Variants in PIWIL2 observed in about 807,000 individuals in gnomAD.
PIWIL2 encodes the protein piwi like RNA-mediated gene silencing 2.
PIWIL2 carries 81 observed loss-of-function variants against 116.5 expected under a neutral mutation model. That is an observed-to-expected ratio of 0.70 (90% confidence interval 0.58 to 0.84). The LOEUF (loss-of-function observed/expected upper bound fraction) is 0.84, where lower values mean the gene tolerates loss of function less well. PIWIL2 is among the 40% of genes least tolerant of loss of function. The pLI, the probability that PIWIL2 is intolerant of heterozygous loss-of-function variation, is 0.00. For missense variants in PIWIL2, 1,272 were observed against 1,212.3 expected (o/e 1.05, Z -0.73); for synonymous variants, 489 against 429.5 (o/e 1.14, Z -1.71).
chr8:22,354,051 C>T (rs533710350), intron 21 of PIWIL2, among the ~76,000 whole-genome samples: 24 of 152,220 alleles, frequency 1.6e-4, no homozygotes, highest in African/African-American at 5.8e-4. Flanking sequence ...GCTAGGATTA[C>T]AGGCATGAGT....
At chr8:22,338,323 T>C (rs567300177) in intron 20 of PIWIL2, among the ~76,000 whole-genome samples, 3 of 152,312 alleles carry the variant, frequency 2.0e-5, no homozygotes, top group South Asian at 2.1e-4. Flanking sequence ...TACACAGTTA[T>C]TACACAAAAG....
At chr8:22,347,245 C>T (rs1345971906) in intron 20 of PIWIL2, among the ~76,000 whole-genome samples, 1 of 147,214 alleles carries the variant, frequency 6.8e-6, no homozygotes, top group Non-Finnish European at 1.5e-5. Context: ...CAGAGTCTCA[C>T]TCTGTCACCC....
At chr8:22,305,221 C>T (rs937650811) in intron 12 of PIWIL2, among the ~76,000 whole-genome samples, 7 of 115,472 alleles carry the variant, frequency 6.1e-5, no homozygotes, top group Non-Finnish European at 1.2e-4. Context: ...TTGACGGAGT[C>T]TGGCTCTGTC....
intron 10 of PIWIL2, among the ~76,000 whole-genome samples, chr8:22,294,354 A>T (rs1290393039): frequency 1.4e-5 from 2 of 142,154 alleles, no homozygotes; most frequent in Non-Finnish European, 3.0e-5. Flanking sequence ...AAAAAAAAAA[A>T]AAAAGGTCCG....
At chr8:22,288,269 G>C (rs980552446) in intron 7 of PIWIL2, among the ~76,000 whole-genome samples, 26 of 142,926 alleles carry the variant, frequency 1.8e-4, no homozygotes, top group African/African-American at 6.4e-4. Flanking sequence ...CTGCACTCCA[G>C]CCTGGGTGAC....
intron 20 of PIWIL2, among the ~76,000 whole-genome samples, chr8:22,332,716 G>A (rs1831889704): frequency 6.6e-6 from 1 of 152,078 alleles, no homozygotes; most frequent in African/African-American, 2.4e-5. Context: ...GTAACTGCCA[G>A]CATAGCTTCA....
chr8:22,289,436 C>G (rs529833123), intron 8 of PIWIL2, among the ~76,000 whole-genome samples: 1 of 152,336 alleles, frequency 6.6e-6, no homozygotes, highest in East Asian at 1.9e-4. Context: ...GAGGCGTAAG[C>G]CACCGCGCCC....
chr8:22,291,069 A>G lies in PIWIL2; in HGVS notation c.1181+723A>G, dbSNP rs1830754989. 2.0e-5 allele frequency among the ~76,000 whole-genome samples: 3 copies of G among 151,686 alleles called. No homozygotes were observed. The East Asian group carries it at 5.8e-4, about 29-fold the overall frequency. The stretch of plus-strand genomic sequence containing the variant: ...CTGCACCCTCTACCTCTTGGGTTCA[A>G]GTGATTCTCCTGCCTCAGCCTCCTG... On this transcript the variant is annotated intron_variant, in intron 10 of 22. Coordinates refer to ENST00000356766, the MANE Select transcript of PIWIL2 (RefSeq NM_018068.5).
chr8:22,330,873 T>C (rs1200962241), intron 20 of PIWIL2, among the ~76,000 whole-genome samples: 1 of 151,734 alleles, frequency 6.6e-6, no homozygotes, highest in Non-Finnish European at 1.5e-5. Context: ...TAATTCTTTG[T>C]TGAAAACTGG....
At chr8:22,299,338 G>C (rs1262252436) in intron 10 of PIWIL2, among the ~76,000 whole-genome samples, 1 of 151,820 alleles carries the variant, frequency 6.6e-6, no homozygotes, top group Non-Finnish European at 1.5e-5. Context: ...AGCCTCCTGA[G>C]TAGCTGGGAT....
intron 20 of PIWIL2, among the ~76,000 whole-genome samples, chr8:22,331,418 G>A (rs1831859867): frequency 6.6e-6 from 1 of 151,414 alleles, no homozygotes; most frequent in African/African-American, 2.4e-5. Flanking sequence ...GGAGTTCAAG[G>A]TTGCAGTGAG....
At chr8:22,277,420 G>C (rs1480469075) in intron 1 of PIWIL2, among the ~76,000 whole-genome samples, 1 of 152,214 alleles carries the variant, frequency 6.6e-6, no homozygotes, top group Admixed American at 6.5e-5. Flanking sequence ...AGAGAGAAGG[G>C]TGTTAAATGC....
Position 22,317,233 on chromosome 8 carries a change from C to G in PIWIL2, c.2297+900C>G, listed in dbSNP as rs548190580. Among the ~76,000 whole-genome samples the G allele has an allele frequency of 1.2e-4, 19 of 152,280 alleles. No individual in the cohort carries two copies. In the South Asian group the frequency reaches 3.9e-3, roughly 32 times the overall value. On this transcript the variant is annotated intron_variant, in intron 19 of 22. Transcript: ENST00000356766. ...TGTTTGTTCCAACTGTAAAAATAAG[C>G]CATGCTCATCCCAAATATCTGCAGA...
chr8:22,312,683 C>T (rs1314289137), intron 16 of PIWIL2, among the ~76,000 whole-genome samples: 1 of 152,170 alleles, frequency 6.6e-6, no homozygotes, highest in Non-Finnish European at 1.5e-5. Flanking sequence ...CTCTGTTGCT[C>T]AGGCTAAAGT....
chr8:22,340,421 C>G (rs570934213), intron 20 of PIWIL2, among the ~76,000 whole-genome samples: 1 of 152,298 alleles, frequency 6.6e-6, no homozygotes, highest in South Asian at 2.1e-4. Context: ...TTTATGTCCA[C>G]CTGGAACCTG....
intron 10 of PIWIL2, among the ~76,000 whole-genome samples, chr8:22,301,039 G>A (rs192585459): frequency 9.9e-5 from 15 of 151,936 alleles, no homozygotes; most frequent in African/African-American, 2.7e-4. Context: ...GAGCGCAGAG[G>A]TGCAGTCACA....
chr8:22,279,758 G>T lies in PIWIL2; in HGVS notation c.198+174G>T, dbSNP rs190296361. 6.8e-4 allele frequency among the ~76,000 whole-genome samples: 103 copies of T among 152,334 alleles called. 1 individual carries two copies. The East Asian group carries it at 0.016, about 24-fold the overall frequency. On this transcript the variant is annotated intron_variant, in intron 2 of 22. Transcript: ENST00000356766. ...ATCTGAGGTCGGGAGTTCAAGACCA[G>T]CCTGGCCAACCAACATGGTGAAACC...
intron 20 of PIWIL2, chr8:22,321,944 C>T (rs1831609644): frequency 1.0e-6 from 1 of 985,118 alleles, no homozygotes; most frequent in Admixed American, 6.2e-5. Context: ...GTCCAAAGCC[C>T]ATTTTCTCCA....
chr8:22,309,773 A>G (rs4486204), intron 14 of PIWIL2, among the ~76,000 whole-genome samples, 188 bp from the exon 15 acceptor site: 46,152 of 152,192 alleles, frequency 0.3, 8,877 homozygotes, highest in East Asian at 0.62. Context: ...AATTTTACCT[A>G]TATAAATGTA....
Sources: allele counts gnomAD v4.1 joint callset (sites outside exome capture counted in the v4.1 genomes callset), GRCh38; gene constraint gnomAD v4.1.1; transcripts MANE v1.5; gene names NCBI Gene and HGNC (gene_info 2026-07-23, HGNC 2026-07-21).